ADCK5: variants seen among roughly 807,000 people sequenced by gnomAD.
The protein encoded by ADCK5 is aarF domain containing kinase 5, also known as uncharacterized aarF domain-containing protein kinase 5.
Under a neutral mutation model 64.9 loss-of-function variants are expected in ADCK5, and 43 were observed. That is an observed-to-expected ratio of 0.66 (90% confidence interval 0.52 to 0.85). The LOEUF (loss-of-function observed/expected upper bound fraction) is 0.85. Among genes scored for constraint, ADCK5 ranks in the 40% least tolerant of loss-of-function variants. The pLI is 0.00. For missense variants in ADCK5, 760 were observed against 810.5 expected, an observed-to-expected ratio of 0.94 and a Z score of 0.76; for synonymous variants, 434 against 342.8, an observed-to-expected ratio of 1.27 and a Z score of -2.94.
rs1819797635 is a variant in ADCK5 at position 144,384,038 on chromosome 8, C to T, written c.266+808C>T. On this transcript the variant is annotated intron_variant, in intron 3 of 14. Transcript: ENST00000308860. The surrounding 1 kb of genome is among the most constrained non-coding windows in gnomAD (Gnocchi z 5.7). ...TCCTGAGTAGCCGGGACTACAGGTG[C>T]CCACCACCATGCCTGGCTAAATTAT... is the stretch of plus-strand genomic sequence containing the variant. Among the ~76,000 whole-genome samples, 1 of 151,892 alleles carries T rather than the reference C, an allele frequency of 6.6e-6. No individual in the cohort carries two copies. The highest frequency in any genetic ancestry group is 1.5e-5 in the Non-Finnish European group (1 of 67,976).
In ADCK5 at chr8:144,392,533, G is replaced by A. The variant is rs782410721; in HGVS notation, c.1356G>A (p.Ala452=). ...CGCACCTACTGAGCCGCGAAGAGGC[G>A]GCCTACATGGTGGACATGGCCCGCG... is the stretch of plus-strand genomic sequence containing the variant. The part of the protein sequence containing the change: ...WGSHLLSREE[A]AYMVDMARER... The change falls in exon 13 of 15, where the codon GCG becomes GCA. Residue 452 remains alanine (A), a synonymous_variant. Coordinates refer to ENST00000308860, the MANE Select transcript of ADCK5 (RefSeq NM_174922.5). 5 of 1,558,462 alleles carry A rather than the reference G, an allele frequency of 3.2e-6. No homozygotes were observed. The highest frequency in any genetic ancestry group is 1.9e-5 in the Admixed American group (1 of 53,946).
rs782074577 is a variant in ADCK5 at position 144,390,666 on chromosome 8, C to T, written c.267-5C>T. ...GCTGGAGACTGAGGCCACCTCTGCC[C>T]GCAGGTCTCTGAAGGTCGGCCTGCA... is the stretch of plus-strand genomic sequence containing the variant. On this transcript the variant is annotated splice_polypyrimidine_tract_variant and splice_region_variant and intron_variant, in intron 3 of 14. Coordinates refer to ENST00000308860, the MANE Select transcript of ADCK5 (RefSeq NM_174922.5). 21 of 1,613,040 alleles carry T rather than the reference C, an allele frequency of 1.3e-5. No individual in the cohort carries two copies. The highest frequency in any genetic ancestry group is 1.6e-4 in the Middle Eastern group (1 of 6,082).
At chr8:144,381,344 A>G (rs2116847531) in intron 2 of ADCK5, among the ~76,000 whole-genome samples, 7 of 141,816 alleles carry the variant, frequency 4.9e-5, no homozygotes, top group African/African-American at 8.2e-5. Flanking sequence ...GTGCTCAGGC[A>G]CCTCCCGCAG....
rs201745279 is a variant in ADCK5, at chr8:144,392,123, G to C, written c.1128G>C (p.Ala376=). The change falls in exon 11 of 15, where the codon GCG becomes GCC. Residue 376 remains alanine (A), a synonymous_variant. Coordinates refer to ENST00000308860, the MANE Select transcript of ADCK5 (RefSeq NM_174922.5). ...VLVRKGPDGK[A]ELVLLDHGLY... ...TGCGGAAAGGCCCGGACGGGAAAGC[G>C]GAGCTGGTGCTGCTGGACCACGGGC... 5 of 1,610,960 alleles carry C rather than the reference G, an allele frequency of 3.1e-6. No homozygotes were observed. The highest frequency in any genetic ancestry group is 4.2e-6 in the Non-Finnish European group (5 of 1,179,610).
chr8:144,391,326 GC>G (rs782210488), intron 6 of ADCK5, 34 bp from the exon 7 acceptor site: 10 of 1,612,184 alleles, frequency 6.2e-6, no homozygotes, highest in Non-Finnish European at 8.5e-6. Flanking sequence ...GCACAGTGGG[GC>G]CCCAAGTTCT....
At chr8:144,381,321 T>C (rs1450110220) in intron 2 of ADCK5, among the ~76,000 whole-genome samples, 8 of 143,442 alleles carry the variant, frequency 5.6e-5, no homozygotes, top group African/African-American at 7.9e-5. Flanking sequence ...GGGCCGGGTG[T>C]AGAAACAGAT....
At chr8:144,378,453 GCT>G (rs140097343) in intron 1 of ADCK5, among the ~76,000 whole-genome samples, 8 of 150,884 alleles carry the variant, frequency 5.3e-5, no homozygotes, top group South Asian at 2.1e-4. Context: ...CCTCTCGCTT[GCT>G]CTCTCTCTCT....
chr8:144,392,612 C>A lies in ADCK5; in HGVS notation c.1435C>A (p.Leu479Met), dbSNP rs1345829296. 4 of 1,586,526 alleles carry A rather than the reference C, an allele frequency of 2.5e-6. No homozygotes were observed. The highest frequency in any genetic ancestry group is 3.4e-6 in the Non-Finnish European group (4 of 1,170,574). The stretch of plus-strand genomic sequence containing the variant: ...CAGGGAGCTGCCGCGGCCCATGCTG[C>A]TGGTGCTGCGCAACATCAACACCGT... The part of the protein sequence containing the change: ...VLRELPRPML[L>M]VLRNINTVRA... The change falls in exon 13 of 15, where the codon CTG becomes ATG. Residue 479 changes from leucine (L) to methionine (M), a missense_variant. By Grantham distance (15) the Leu-to-Met change is conservative. Coordinates refer to ENST00000308860, the MANE Select transcript of ADCK5 (RefSeq NM_174922.5).
chr8:144,374,032 G>T (rs1819260164), upstream of ADCK5: 1 of 1,242,096 alleles, frequency 8.1e-7, no homozygotes. Flanking sequence ...CCTCCCGCAG[G>T]GCCTGCTGGG....
At position 144,392,848 on chromosome 8, in the gene ADCK5, C is replaced by T. The variant is rs782388925; in HGVS notation, c.1593C>T (p.His531=). ...RGVYGTSLLR[H]AKVVWEMLKF... Reference sequence around the variant, plus strand: ...TCTACGGCACCAGCCTCCTGCGCCACGCCAAGGTCGTCTGGGAGATGCTCA... The same window carrying T: ...TCTACGGCACCAGCCTCCTGCGCCATGCCAAGGTCGTCTGGGAGATGCTCA... The change falls in exon 14 of 15, where the codon CAC becomes CAT. Residue 531 remains histidine, a synonymous_variant. Coordinates refer to ENST00000308860, the MANE Select transcript of ADCK5 (RefSeq NM_174922.5). 1.4e-5 allele frequency: 22 copies of T among 1,595,880 alleles called. No homozygotes were observed. Among genetic ancestry groups the T allele is most frequent in the Middle Eastern group, 1.6e-4 (1 of 6,070 alleles).
At chr8:144,373,334 C>T (rs1349709625), upstream of ADCK5, 1 of 152,602 alleles carries the variant, frequency 6.6e-6, no homozygotes, top group African/African-American at 2.4e-5. Context: ...AGTCTAGTAG[C>T]GGTGAGGTCG....
intron 1 of ADCK5, 72 bp downstream of exon 1, chr8:144,374,179 C>T: frequency 8.1e-7 from 1 of 1,227,714 alleles, no homozygotes; most frequent in Admixed American, 4.2e-5. Context: ...CCCGCAAGTC[C>T]CCAGACCCCG....
chr8:144,389,115 C>T (rs1196032090), intron 3 of ADCK5: 7 of 370,400 alleles, frequency 1.9e-5, no homozygotes, highest in Admixed American at 9.7e-5. Context: ...GGGCTCCCAC[C>T]CTGATATCCT....
chr8:144,373,752 G>C (rs782708891), upstream of ADCK5: 3 of 307,790 alleles, frequency 9.7e-6, no homozygotes, highest in Non-Finnish European at 1.8e-5. Flanking sequence ...AGGACCTCAG[G>C]AAGCCCTCAG....
At chr8:144,383,842 G>C (rs1404098945) in intron 3 of ADCK5, among the ~76,000 whole-genome samples, 1 of 151,510 alleles carries the variant, frequency 6.6e-6, no homozygotes, top group African/African-American at 2.4e-5. Context: ...TGAGCCTGGT[G>C]GAACCAGCTC....
At chr8:144,375,532 C>T (rs1363207254) in intron 1 of ADCK5, 1 of 985,470 alleles carries the variant, frequency 1.0e-6, no homozygotes, top group African/African-American at 1.7e-5. Flanking sequence ...TCTGTGGGAG[C>T]TGCATCCTCC....
At chr8:144,388,263 G>C (rs553343169) in intron 3 of ADCK5, among the ~76,000 whole-genome samples, 1 of 150,562 alleles carries the variant, frequency 6.6e-6, no homozygotes, top group African/African-American at 2.4e-5. Flanking sequence ...AGGCTGAGGC[G>C]GGAGAATTGC....
At chr8:144,383,284 C>T (rs1554858709) in intron 3 of ADCK5, 54 bp downstream of exon 3, 8 of 1,499,752 alleles carry the variant, frequency 5.3e-6, no homozygotes, top group Admixed American at 2.2e-5. Flanking sequence ...GGGGTGTGTG[C>T]GGTGCAGGAT....
In ADCK5 at chr8:144,384,760, C is replaced by T. The variant is rs1478636484; in HGVS notation, c.266+1530C>T. On this transcript the variant is annotated intron_variant, in intron 3 of 14. Transcript: ENST00000308860. The surrounding 1 kb of genome is among the most constrained non-coding windows in gnomAD (Gnocchi z 5.7). ...GTCTGGTGTCCACCTCCTCGGCCAC[C>T]GGCTTGGTGAGCCTGCGTTTTGGGC... Among the ~76,000 whole-genome samples, 5 of 152,230 alleles carry T rather than the reference C, an allele frequency of 3.3e-5. No homozygotes were observed. Among genetic ancestry groups the T allele is most frequent in the African/African-American group, 4.8e-5 (2 of 41,462 alleles).
Sources: gnomAD v4.1 joint callset for allele counts (sites outside exome capture counted in the v4.1 genomes callset) on GRCh38, gnomAD v4.1.1 for gene constraint, Gnocchi (gnomAD v3.1) non-coding constraint, MANE v1.5 for transcripts, NCBI Gene and HGNC (gene_info 2026-07-23, HGNC 2026-07-21) for gene names.